The following TNR variants were observed in gnomAD, a reference collection of about 807,000 sequenced individuals.
TNR encodes tenascin R.
Under a neutral mutation model 150.4 loss-of-function variants are expected in TNR, and 45 were observed. That is an observed-to-expected ratio of 0.30 (90% confidence interval 0.24 to 0.38). TNR has a LOEUF of 0.38. TNR is among the 10% of genes least tolerant of loss of function. The pLI is 1.00. For missense variants in TNR, 1,544 were observed against 1,759.1 expected, an observed-to-expected ratio of 0.88 and a Z score of 2.19; for synonymous variants, 687 against 678.4, an observed-to-expected ratio of 1.01 and a Z score of -0.20.
chr1:175,719,740 G>T (rs187177867), intron 1 of TNR, among the ~76,000 whole-genome samples: 2 of 152,142 alleles, frequency 1.3e-5, no homozygotes, highest in Non-Finnish European at 2.9e-5. Context: ...CAGAGACCCC[G>T]CTGGGAGATA....
chr1:175,730,234 G>A (rs1311330639), intron 1 of TNR, among the ~76,000 whole-genome samples: 1 of 152,036 alleles, frequency 6.6e-6, no homozygotes, highest in African/African-American at 2.4e-5. Flanking sequence ...TCTTTCTACC[G>A]GGAGTGCCCC....
chr1:175,465,754 A>G (rs908859094), intron 2 of TNR, among the ~76,000 whole-genome samples: 2 of 83,452 alleles, frequency 2.4e-5, no homozygotes, highest in African/African-American at 9.9e-5. Flanking sequence ...AACCTCTAGA[A>G]CCATCACTGG....
At chr1:175,393,489 A>G (rs1291065213) in intron 6 of TNR, among the ~76,000 whole-genome samples, 3 of 152,220 alleles carry the variant, frequency 2.0e-5, no homozygotes, top group African/African-American at 7.2e-5. Flanking sequence ...ACTATGGCTC[A>G]TCAGACCCCA....
At chr1:175,738,359 A>T (rs990524273) in intron 1 of TNR, among the ~76,000 whole-genome samples, 1 of 152,234 alleles carries the variant, frequency 6.6e-6, no homozygotes, top group Non-Finnish European at 1.5e-5. Context: ...GGAAGTTCTG[A>T]CACATGCTAT....
intron 1 of TNR, among the ~76,000 whole-genome samples, chr1:175,587,454 G>A (rs1373400920): frequency 6.6e-6 from 1 of 152,114 alleles, no homozygotes; most frequent in Non-Finnish European, 1.5e-5. Flanking sequence ...CACATTTGAG[G>A]GTTAAATGAA....
intron 2 of TNR, among the ~76,000 whole-genome samples, chr1:175,504,925 G>A (rs1220415456): frequency 6.6e-6 from 1 of 152,152 alleles, no homozygotes; most frequent in Non-Finnish European, 1.5e-5. Context: ...GAAGATGATG[G>A]GAAGAGATAC....
chr1:175,427,271 G>A (rs1341937085), intron 2 of TNR, among the ~76,000 whole-genome samples: 1 of 151,800 alleles, frequency 6.6e-6, no homozygotes, highest in Non-Finnish European at 1.5e-5. Context: ...TGTGAGCCAT[G>A]TATGTAATTT....
intron 18 of TNR, among the ~76,000 whole-genome samples, chr1:175,339,695 C>T (rs536717101): frequency 6.6e-6 from 1 of 152,334 alleles, no homozygotes; most frequent in East Asian, 1.9e-4. Context: ...CTAATAGCCC[C>T]TTTTCCTGAA....
At chr1:175,408,392 T>C (rs886585353) in intron 2 of TNR, among the ~76,000 whole-genome samples, 9 of 152,210 alleles carry the variant, frequency 5.9e-5, no homozygotes, top group South Asian at 2.1e-4. Flanking sequence ...GTCTGTTCCA[T>C]TTCAGTTCTG....
At chr1:175,678,169 C>T (rs1571743069) in intron 1 of TNR, among the ~76,000 whole-genome samples, 1 of 152,318 alleles carries the variant, frequency 6.6e-6, no homozygotes. Context: ...TACCCTCAGC[C>T]ATCCTAGAAA....
At chr1:175,390,654 A>C (rs1376682461) in intron 7 of TNR, among the ~76,000 whole-genome samples, 1 of 152,210 alleles carries the variant, frequency 6.6e-6, no homozygotes, top group Non-Finnish European at 1.5e-5. Flanking sequence ...TAATAGACTT[A>C]AGCCATCACC....
At chr1:175,394,116 A>G (rs185852366) in intron 5 of TNR, among the ~76,000 whole-genome samples, 2 of 152,358 alleles carry the variant, frequency 1.3e-5, no homozygotes, top group East Asian at 3.9e-4. Flanking sequence ...AGTTAACTTA[A>G]ACACAATCTA....
intron 2 of TNR, among the ~76,000 whole-genome samples, chr1:175,443,756 T>TAAGG (rs906258994): frequency 6.6e-6 from 1 of 151,984 alleles, no homozygotes; most frequent in Non-Finnish European, 1.5e-5. Context: ...GATGAGTTAG[T>TAAGG]AAGGAAGGAA....
intron 2 of TNR, among the ~76,000 whole-genome samples, chr1:175,434,120 G>A (rs1258780767): frequency 6.6e-6 from 1 of 152,196 alleles, no homozygotes. Context: ...GATGCGGCCA[G>A]ATTGCATTTT....
At position 175,365,256 on chromosome 1, in the gene TNR, G is replaced by A; in HGVS notation, c.2341C>T (p.His781Tyr). The change falls in exon 12 of 23, where the codon CAC becomes TAC. Residue 781 changes from histidine to tyrosine, a missense_variant. His to Tyr is a moderately conservative substitution (Grantham distance 83). This residue lies in a region of TNR where 1,254 missense variants were observed against 1,329.4 expected (regional missense o/e 0.94). Coordinates refer to ENST00000367674, the MANE Select transcript of TNR (RefSeq NM_003285.3). Reference protein sequence around the residue: ...FTGFRPISHLHFSHVTSSSVN... With the variant: ...FTGFRPISHLYFSHVTSSSVN... ...CTGGAGGAGGTCACATGAGAAAAGT[G>A]CAGATGAGAGATGGGACGGAAGCCT... 6 of 1,611,576 alleles carry A rather than the reference G, an allele frequency of 3.7e-6. No individual in the cohort carries two copies. The highest frequency in any genetic ancestry group is 3.4e-6 in the Non-Finnish European group (4 of 1,178,220).
intron 3 of TNR, among the ~76,000 whole-genome samples, chr1:175,404,345 C>A (rs1428281011): frequency 1.3e-5 from 2 of 152,174 alleles, no homozygotes; most frequent in Admixed American, 6.5e-5. Flanking sequence ...GCTCATTCAT[C>A]AAAACCCAGC....
intron 2 of TNR, among the ~76,000 whole-genome samples, chr1:175,415,508 G>T (rs913195796): frequency 2.0e-5 from 3 of 152,332 alleles, no homozygotes; most frequent in East Asian, 1.9e-4. Context: ...GCTGCCCAAC[G>T]CCCCTGACCA....
intron 2 of TNR, among the ~76,000 whole-genome samples, chr1:175,471,306 G>C (rs1657276784): frequency 6.6e-6 from 1 of 152,192 alleles, no homozygotes; most frequent in Admixed American, 6.5e-5. Flanking sequence ...CTTGTTACAA[G>C]ATAAGTACAG....
Position 175,386,270 on chromosome 1 carries a change from G to T in TNR, c.1539C>A (p.Arg513=), listed in dbSNP as rs987505866. The change falls in exon 8 of 23, where the codon CGC becomes CGA. Residue 513 remains arginine (R), a synonymous_variant. Transcript: ENST00000367674. The part of the protein sequence containing the change: ...VIDGPTQILV[R]DVSDTVAFVE... The stretch of plus-strand genomic sequence containing the variant: ...CAAAAGCCACAGTGTCCGAGACATC[G>T]CGAACCAGGATCTGCGTGGGGCCGT... 6.3e-7 allele frequency: 1 copy of T among 1,582,462 alleles called. No homozygotes were observed. Among genetic ancestry groups the T allele is most frequent in the African/African-American group, 1.3e-5 (1 of 74,308 alleles).
Sources: gnomAD v4.1 joint callset for allele counts (sites outside exome capture counted in the v4.1 genomes callset) on GRCh38, gnomAD v4.1.1 for gene constraint, gnomAD v4.1.1 regional missense constraint, MANE v1.5 for transcripts, NCBI Gene and HGNC (gene_info 2026-07-23, HGNC 2026-07-21) for gene names.